ABCC1: variants seen among roughly 807,000 people sequenced by gnomAD.
ABCC1 encodes ATP binding cassette subfamily C member 1 (ABCC1 blood group).
A neutral mutation model predicts 172.9 loss-of-function variants in ABCC1; 83 were observed. The ratio of observed to expected loss-of-function variants is 0.48; its 90% CI spans 0.40 to 0.58. The LOEUF is 0.58. Among genes scored for constraint, ABCC1 ranks in the 20% least tolerant of loss-of-function variants. The pLI, the probability that ABCC1 is intolerant of heterozygous loss-of-function variation, is 0.00. For missense variants in ABCC1, 1,817 were observed against 2,002.7 expected, an observed-to-expected ratio of 0.91 and a Z score of 1.77; for synonymous variants, 937 against 825.2, an observed-to-expected ratio of 1.14 and a Z score of -2.32.
At chr16:16,072,484 C>T (rs1596461320) in intron 14 of ABCC1, among the ~76,000 whole-genome samples, 1 of 142,382 alleles carries the variant, frequency 7.0e-6, no homozygotes, top group African/African-American at 2.6e-5. Flanking sequence ...TTCTCCTGGC[C>T]TTTTTTTTTT....
chr16:16,118,401 T>A (rs892733904), intron 23 of ABCC1, among the ~76,000 whole-genome samples: 1 of 150,834 alleles, frequency 6.6e-6, no homozygotes, highest in Admixed American at 6.6e-5. Flanking sequence ...AGTCTCGTTA[T>A]ATCCTCTTGA....
intron 1 of ABCC1, among the ~76,000 whole-genome samples, chr16:15,957,139 G>T (rs1044825079): frequency 2.6e-5 from 4 of 151,914 alleles, no homozygotes. Context: ...GAGTGCAGTG[G>T]CGCGACCTCA....
At chr16:16,131,731 C>A in intron 26 of ABCC1, 58 bp from the exon 27 acceptor site, 1 of 1,582,400 alleles carries the variant, frequency 6.3e-7, no homozygotes, top group Non-Finnish European at 8.6e-7. Context: ...TCAGGGGAGT[C>A]ACAGCTTTAC....
intron 1 of ABCC1, among the ~76,000 whole-genome samples, chr16:15,980,962 G>C (rs528671976): frequency 6.6e-6 from 1 of 152,318 alleles, no homozygotes; most frequent in African/African-American, 2.4e-5. Context: ...TTCCAAATGG[G>C]AAAATTTGGC....
rs937495967 is a variant in ABCC1, at chr16:15,967,715, G to A, written c.48+17916G>A. ...GGTTGAGCTGCAGTGAGCTATGATT[G>A]CACCACTGCACTCCAGCCTGGACAA... On this transcript the variant is annotated intron_variant, in intron 1 of 30. Transcript: ENST00000399410. Among the ~76,000 whole-genome samples, 66 of 147,220 alleles carry A rather than the reference G, an allele frequency of 4.5e-4. 1 individual carries two copies. The highest frequency in any genetic ancestry group is 2.1e-4 in the Non-Finnish European group (14 of 67,428).
intron 27 of ABCC1, among the ~76,000 whole-genome samples, chr16:16,133,402 G>GTTTTTGT (rs56923108): frequency 2.7e-4 from 19 of 69,796 alleles, no homozygotes; most frequent in Non-Finnish European, 3.5e-4. Flanking sequence ...TTTTGTTTTT[G>GTTTTTGT]TTTTGTTTTG....
Position 16,106,867 on chromosome 16 carries a change from A to G in ABCC1, c.2865A>G (p.Thr955=). 2 of 1,614,096 alleles carry G rather than the reference A, an allele frequency of 1.2e-6. No homozygotes were observed. The highest frequency in any genetic ancestry group is 1.3e-5 in the African/African-American group (1 of 75,068). ...TGATGGAGGCTGACAAGGCGCAGAC[A>G]GGGCAGGTGAGATTCGCTCCTTAAG... ...WKLMEADKAQ[T]GQVKLSVYWD... The change falls in exon 21 of 31, where the codon ACA becomes ACG. Residue 955 remains threonine (T), a synonymous_variant. Transcript: ENST00000399410.
At chr16:15,984,448 C>CGTTTTTTTTTTTTTTTTTTTT (rs61396501) in intron 1 of ABCC1, among the ~76,000 whole-genome samples, 3 of 146,950 alleles carry the variant, frequency 2.0e-5, no homozygotes, top group African/African-American at 2.5e-5. Flanking sequence ...TTGATATATA[C>CGTTTTTTTTTTTTTTTTTTTT]TTTTTTTTTT....
chr16:16,076,445 C>T, intron 15 of ABCC1, 44 bp downstream of exon 15: 2 of 1,535,992 alleles, frequency 1.3e-6, no homozygotes, highest in Middle Eastern at 1.7e-4. Flanking sequence ...GAGAGAGCCA[C>T]AGGGCTTTTG....
chr16:16,046,630 C>T (rs1045099286), intron 9 of ABCC1, among the ~76,000 whole-genome samples: 1 of 152,190 alleles, frequency 6.6e-6, no homozygotes, highest in Non-Finnish European at 1.5e-5. Context: ...CAGGCATGAG[C>T]CACCGCGCCC....
intron 1 of ABCC1, among the ~76,000 whole-genome samples, chr16:15,972,900 G>A (rs2046401351): frequency 7.0e-6 from 1 of 143,374 alleles, no homozygotes; most frequent in East Asian, 2.2e-4. Context: ...CTAGGCTGAA[G>A]CTATCCTCCC....
At chr16:16,128,368 C>G (rs2045531919) in intron 26 of ABCC1, among the ~76,000 whole-genome samples, 1 of 151,830 alleles carries the variant, frequency 6.6e-6, no homozygotes, top group African/African-American at 2.4e-5. Flanking sequence ...CCCGGCTGGT[C>G]TCGAACTCCT....
chr16:16,076,257 A>G (rs571352644), intron 14 of ABCC1, 69 bp from the exon 15 acceptor site: 3 of 1,473,058 alleles, frequency 2.0e-6, no homozygotes, highest in African/African-American at 1.5e-5. Context: ...CAAGCAGAGA[A>G]AGAGAGTGTT....
chr16:16,042,731 T>G (rs1313272166), intron 7 of ABCC1, among the ~76,000 whole-genome samples: 1 of 151,648 alleles, frequency 6.6e-6, no homozygotes, highest in African/African-American at 2.4e-5. Flanking sequence ...CCCTATAAGA[T>G]AAAGACTACT....
intron 14 of ABCC1, among the ~76,000 whole-genome samples, chr16:16,073,178 C>T (rs1397427489): frequency 1.3e-5 from 2 of 152,144 alleles, no homozygotes; most frequent in African/African-American, 2.4e-5. Context: ...CACCATGGTA[C>T]CCCTGGAGGA....
intron 7 of ABCC1, among the ~76,000 whole-genome samples, chr16:16,041,229 A>C (rs1288708652): frequency 1.3e-5 from 2 of 151,830 alleles, no homozygotes; most frequent in African/African-American, 4.8e-5. Context: ...ACTGTGCCTG[A>C]CTGGAGCCTC....
At chr16:16,052,928 G>A in intron 11 of ABCC1, 112 bp downstream of exon 11, 8 of 1,003,548 alleles carry the variant, frequency 8.0e-6, no homozygotes, top group Non-Finnish European at 1.1e-5. Context: ...AGCCTTGCCT[G>A]CCAGTTGGAC....
At chr16:16,053,941 A>G (rs900661508) in intron 11 of ABCC1, among the ~76,000 whole-genome samples, 14 of 151,296 alleles carry the variant, frequency 9.3e-5, no homozygotes, top group Admixed American at 9.2e-4. Flanking sequence ...GACCTGATTA[A>G]TGGTATAGTT....
Position 15,965,285 on chromosome 16 carries a change from CT to C in ABCC1, c.48+15498del, listed in dbSNP as rs1337477385. ...TTTGGGTTGCTGTGTTTTCTTTCTC[CT>C]TTTTTTTTTTTATTATTATTTTTGA... On this transcript the variant is annotated intron_variant, in intron 1 of 30. Coordinates refer to ENST00000399410, the MANE Select transcript of ABCC1 (RefSeq NM_004996.4). Among the ~76,000 whole-genome samples, 1,227 of 144,854 alleles carry C rather than the reference CT, an allele frequency of 8.5e-3. 9 individuals are homozygous for C. Among genetic ancestry groups the C allele is most frequent in the African/African-American group, 0.021 (835 of 39,906 alleles).
Sources: allele counts gnomAD v4.1 joint callset (sites outside exome capture counted in the v4.1 genomes callset), GRCh38; gene constraint gnomAD v4.1.1; transcripts MANE v1.5; gene names NCBI Gene and HGNC (gene_info 2026-07-23, HGNC 2026-07-21).